The following AZIN2 variants were observed in gnomAD, a reference collection of about 807,000 sequenced individuals.
AZIN2 encodes the protein ODC antizyme inhibitor-2.
In AZIN2, 28 loss-of-function variants were observed where a neutral mutation model predicts 47.8. The observed-to-expected ratio is 0.59, with a 90% confidence interval of 0.43 to 0.80. AZIN2 has a LOEUF of 0.80. Among genes scored for constraint, AZIN2 ranks in the 30% least tolerant of loss-of-function variants. AZIN2 has a pLI of 0.00. For synonymous variants in AZIN2, 221 were observed against 239.4 expected, an observed-to-expected ratio of 0.92 and a Z score of 0.71; for missense variants, 535 against 582.5, an observed-to-expected ratio of 0.92 and a Z score of 0.84.
the AZIN2 span, chr1:33,147,791 G>C: frequency 6.5e-7 from 1 of 1,542,952 alleles, no homozygotes; most frequent in Non-Finnish European, 8.8e-7. The surrounding 1 kb of genome is among the most constrained non-coding windows in gnomAD (Gnocchi z 8.1). Flanking sequence ...ACCATGCAGT[G>C]CCTTCCTGAG....
At chr1:33,130,431 A>G in the AZIN2 span, among the ~76,000 whole-genome samples, 1 of 152,232 alleles carries the variant, frequency 6.6e-6, no homozygotes, top group African/African-American at 2.4e-5. Flanking sequence ...CTCTTAGGGA[A>G]CACAGCAGCC....
At position 33,082,438 on chromosome 1, in the gene AZIN2, C is replaced by T. The variant is rs77442782; in HGVS notation, c.105+84C>T. The T allele has an allele frequency of 7.0e-3, 6,409 of 912,666 alleles. 281 individuals are homozygous for T. The African/African-American group carries it at 0.093, about 13-fold the overall frequency. The allele number at this position is 912,666 out of a possible 1,614,324, so 56.5% of individuals were successfully genotyped here. ...CAGGAAGGGTCCCTAGGGCCCTCATCTTATCCTTTCGCTTATTTGGTACGC... is the reference window on the plus strand; with the variant it reads ...CAGGAAGGGTCCCTAGGGCCCTCATTTTATCCTTTCGCTTATTTGGTACGC... On this transcript the variant is annotated intron_variant, in intron 4 of 11. Transcript: ENST00000294517.
rs921160725 is a variant in AZIN2 at position 33,120,533 on chromosome 1, C to T, written c.*351C>T. 2.0e-5 allele frequency: 4 copies of T among 200,002 alleles called. No homozygotes were observed. The highest frequency in any genetic ancestry group is 3.1e-5 in the Non-Finnish European group (3 of 96,750). 12.4% of individuals were successfully genotyped at this position (200,002 alleles called of 1,614,324 possible). A position where few individuals can be genotyped will look rare whatever the true frequency, so the allele number is the denominator to read the frequency against. On this transcript the variant is annotated 3_prime_UTR_variant, in exon 12 of 12. Transcript: ENST00000294517. ...ATATTTAGGTTTTTAAAAACTGCAG[C>T]GGAATCTGGCAGTTTGATTCACAAA...
the AZIN2 span, among the ~76,000 whole-genome samples, chr1:33,144,145 T>C: frequency 9.6e-5 from 1 of 10,440 alleles, no homozygotes. Context: ...CTTTTTTTTT[T>C]TTTTTTTTTT....
At chr1:33,166,639 G>A in the AZIN2 span, among the ~76,000 whole-genome samples, 1 of 152,168 alleles carries the variant, frequency 6.6e-6, no homozygotes, top group African/African-American at 2.4e-5. Context: ...ACATATAATG[G>A]TAAAGAAGGA....
intron 5 of AZIN2, among the ~76,000 whole-genome samples, chr1:33,090,344 A>T (rs1169438272): frequency 6.6e-6 from 1 of 152,126 alleles, no homozygotes; most frequent in Non-Finnish European, 1.5e-5. Context: ...TGCTGTCGTC[A>T]TCATCATCAT....
At chr1:33,165,267 T>C in the AZIN2 span, 2 of 490,524 alleles carry the variant, frequency 4.1e-6, no homozygotes, top group Non-Finnish European at 7.3e-6. The surrounding 1 kb of genome is among the most constrained non-coding windows in gnomAD (Gnocchi z 4.0). Flanking sequence ...CCGCCAGTCA[T>C]GATGGGGTGG....
the AZIN2 span, chr1:33,145,650 C>T: frequency 3.2e-6 from 1 of 309,666 alleles, no homozygotes; most frequent in African/African-American, 2.2e-5. Context: ...AGAATCTAGG[C>T]CCCAGGACTA....
downstream of AZIN2, among the ~76,000 whole-genome samples, chr1:33,127,831 C>T (rs1184933008): frequency 6.6e-6 from 1 of 152,114 alleles, no homozygotes; most frequent in African/African-American, 2.4e-5. Context: ...ATCAAGCGTG[C>T]CTACTGCTTG....
At chr1:33,087,134 ATTT>A (rs57034814) in intron 5 of AZIN2, among the ~76,000 whole-genome samples, 4 of 142,656 alleles carry the variant, frequency 2.8e-5, no homozygotes, top group Non-Finnish European at 3.1e-5. Flanking sequence ...GATATGTAGT[ATTT>A]TTTTTTTTTT....
At chr1:33,165,428 C>G in the AZIN2 span, 3 of 1,525,272 alleles carry the variant, frequency 2.0e-6, no homozygotes, top group African/African-American at 4.1e-5. This position sits in a 1 kb window ranked among gnomAD's most constrained non-coding sequence, Gnocchi z 4.0. Flanking sequence ...AAGCCCTGCC[C>G]TCATCTCTGC....
intron 10 of AZIN2, among the ~76,000 whole-genome samples, chr1:33,109,908 T>C (rs1426170515): frequency 1.3e-5 from 2 of 152,298 alleles, no homozygotes; most frequent in African/African-American, 4.8e-5. Context: ...GCAACCTAAT[T>C]CTGAAACTGG....
Position 33,091,308 on chromosome 1 carries a change from C to T in AZIN2, c.280-742C>T, listed in dbSNP as rs192216527. Among the ~76,000 whole-genome samples, 687 of 152,282 alleles carry T rather than the reference C, an allele frequency of 4.5e-3. 9 individuals carry two copies. Among genetic ancestry groups the T allele is most frequent in the Admixed American group, 0.022 (336 of 15,282 alleles). On this transcript the variant is annotated intron_variant, in intron 5 of 11. Coordinates refer to ENST00000294517, the MANE Select transcript of AZIN2 (RefSeq NM_052998.4). ...AGGCTAGAGTGCAGTGATGTGATCT[C>T]GGCTCACTCCAGCCTCCGCCTCCTG... is the stretch of plus-strand genomic sequence containing the variant.
chr1:33,086,223 T>A (rs1394982906), intron 5 of AZIN2, among the ~76,000 whole-genome samples: 3 of 152,194 alleles, frequency 2.0e-5, no homozygotes, highest in African/African-American at 7.2e-5. Context: ...AATTACTATT[T>A]TTTTTAATGG....
chr1:33,138,628 A>AC, the AZIN2 span, among the ~76,000 whole-genome samples: 127 of 128,736 alleles, frequency 9.9e-4, 2 homozygotes, highest in African/African-American at 3.3e-3. Context: ...AACAACAACA[A>AC]AAAAAAAAAA....
the AZIN2 span, among the ~76,000 whole-genome samples, chr1:33,133,277 G>C: frequency 6.6e-6 from 1 of 152,358 alleles, no homozygotes; most frequent in African/African-American, 2.4e-5. Context: ...ATCCAGCTAA[G>C]CACATTGTCC....
chr1:33,095,823 A>G (rs541419093), intron 8 of AZIN2, among the ~76,000 whole-genome samples: 129 of 152,274 alleles, frequency 8.5e-4, no homozygotes, highest in African/African-American at 3.0e-3. Flanking sequence ...TATTCTTACA[A>G]TAAAGTAAGC....
the AZIN2 span, among the ~76,000 whole-genome samples, chr1:33,136,023 C>A: frequency 1.3e-5 from 2 of 151,838 alleles, no homozygotes; most frequent in Non-Finnish European, 2.9e-5. Flanking sequence ...GAAGGTGGAC[C>A]CAAGCTTGTC....
intron 8 of AZIN2, among the ~76,000 whole-genome samples, chr1:33,096,264 G>C (rs12044429): frequency 6.6e-6 from 1 of 152,216 alleles, no homozygotes; most frequent in Non-Finnish European, 1.5e-5. Flanking sequence ...TGTGGAGGAG[G>C]AGCAGGAAGA....
Sources: gnomAD v4.1 joint callset for allele counts (sites outside exome capture counted in the v4.1 genomes callset) on GRCh38, gnomAD v4.1.1 for gene constraint, Gnocchi (gnomAD v3.1) non-coding constraint, MANE v1.5 for transcripts, NCBI Gene and HGNC (gene_info 2026-07-23, HGNC 2026-07-21) for gene names.